The following GRID1 variants were observed in gnomAD, a reference collection of about 807,000 sequenced individuals.
GRID1 encodes the protein glutamate ionotropic receptor delta type subunit 1.
A neutral mutation model predicts 98.0 loss-of-function variants in GRID1; 28 were observed. The ratio of observed to expected loss-of-function variants is 0.29; its 90% CI spans 0.21 to 0.39. The LOEUF is 0.39. Among genes scored for constraint, GRID1 ranks in the 10% least tolerant of loss-of-function variants. GRID1 has a pLI of 1.00. For missense variants in GRID1, 1,111 were observed against 1,340.5 expected (o/e 0.83, Z 2.67); for synonymous variants, 553 against 538.5 (o/e 1.03, Z -0.37).
Position 86,336,326 on chromosome 10 carries a change from C to A in GRID1, c.235+27615G>T, listed in dbSNP as rs74149542. Reference sequence around the variant, plus strand: ...GTAATCCCCAGCCCCTGGCCAAGCACACGCTTAGGAATTGGACAGGATTTC... The same window carrying A: ...GTAATCCCCAGCCCCTGGCCAAGCAAACGCTTAGGAATTGGACAGGATTTC... On this transcript the variant is annotated intron_variant, in intron 2 of 15. Transcript: ENST00000327946. Among the ~76,000 whole-genome samples the A allele has an allele frequency of 2.8e-3, 425 of 152,318 alleles. 2 individuals are homozygous for A. Among genetic ancestry groups the A allele is most frequent in the African/African-American group, 9.7e-3 (404 of 41,560 alleles).
intron 4 of GRID1, among the ~76,000 whole-genome samples, chr10:86,093,502 A>G (rs942096521): frequency 2.0e-5 from 3 of 152,228 alleles, no homozygotes; most frequent in Non-Finnish European, 4.4e-5. Context: ...AACCTCACTA[A>G]GAAACAAAAC....
chr10:85,776,844 GA>G (rs1345452796), intron 8 of GRID1, among the ~76,000 whole-genome samples: 1 of 152,166 alleles, frequency 6.6e-6, no homozygotes. Flanking sequence ...TGTGTCCACT[GA>G]ATCTCAAGTC....
intron 4 of GRID1, among the ~76,000 whole-genome samples, chr10:86,037,706 G>A (rs1445311738): frequency 6.6e-6 from 1 of 151,672 alleles, no homozygotes; most frequent in African/African-American, 2.4e-5. Flanking sequence ...CAAAGAAATG[G>A]ATGCATACAC....
intron 12 of GRID1, among the ~76,000 whole-genome samples, chr10:85,671,891 C>T (rs904656043): frequency 6.6e-6 from 1 of 152,210 alleles, no homozygotes; most frequent in Non-Finnish European, 1.5e-5. Flanking sequence ...AGGACATTCC[C>T]TTAAGCTAAA....
intron 4 of GRID1, among the ~76,000 whole-genome samples, chr10:86,123,943 G>A (rs530769536): frequency 1.3e-5 from 2 of 152,334 alleles, no homozygotes; most frequent in South Asian, 4.1e-4. Context: ...AAGGGCCCAT[G>A]CAGGCGGCCT....
intron 8 of GRID1, among the ~76,000 whole-genome samples, chr10:85,775,036 T>C (rs1005072595): frequency 5.3e-5 from 8 of 152,164 alleles, no homozygotes; most frequent in African/African-American, 1.4e-4. Context: ...CGTATGTTTA[T>C]TGAGGCACTA....
chr10:85,924,858 T>C (rs565491157), intron 4 of GRID1, among the ~76,000 whole-genome samples: 9 of 152,298 alleles, frequency 5.9e-5, no homozygotes, highest in African/African-American at 2.2e-4. Flanking sequence ...CCTTCCCTGT[T>C]CATGTGGATG....
chr10:86,311,573 C>T (rs1034974824), intron 2 of GRID1, among the ~76,000 whole-genome samples: 2 of 148,362 alleles, frequency 1.3e-5, no homozygotes, highest in Non-Finnish European at 3.0e-5. Context: ...GGTGCAGGGG[C>T]TCCTGAGAAC....
At chr10:85,946,367 T>A (rs1261476415) in intron 4 of GRID1, among the ~76,000 whole-genome samples, 1 of 152,234 alleles carries the variant, frequency 6.6e-6, no homozygotes, top group Non-Finnish European at 1.5e-5. Flanking sequence ...CTGCTCAGTG[T>A]CCACTCCATT....
intron 2 of GRID1, among the ~76,000 whole-genome samples, chr10:86,297,791 G>C (rs1286667277): frequency 1.3e-5 from 2 of 152,188 alleles, no homozygotes; most frequent in Non-Finnish European, 2.9e-5. Context: ...GAATGGGCTG[G>C]ACAGAAAGTC....
intron 4 of GRID1, among the ~76,000 whole-genome samples, chr10:85,963,055 A>G (rs187169445): frequency 1.3e-5 from 2 of 152,272 alleles, no homozygotes; most frequent in East Asian, 1.9e-4. Context: ...TGGAAGAATG[A>G]CATGTGTTGC....
chr10:86,147,206 T>C (rs1289577282), intron 3 of GRID1, among the ~76,000 whole-genome samples: 1 of 152,152 alleles, frequency 6.6e-6, no homozygotes, highest in East Asian at 1.9e-4. Context: ...CAGACAACAG[T>C]CATGGCAGGC....
chr10:85,672,284 C>A (rs1841095476), intron 12 of GRID1, among the ~76,000 whole-genome samples: 2 of 152,120 alleles, frequency 1.3e-5, no homozygotes, highest in South Asian at 2.1e-4. Flanking sequence ...AGCCTAGGAC[C>A]CTTAAGAATT....
chr10:86,289,842 C>A (rs1847487809), intron 2 of GRID1, among the ~76,000 whole-genome samples: 1 of 152,172 alleles, frequency 6.6e-6, no homozygotes, highest in Non-Finnish European at 1.5e-5. Flanking sequence ...TTTGCCTGAG[C>A]TTTCCAAACA....
intron 8 of GRID1, among the ~76,000 whole-genome samples, chr10:85,743,105 G>GCCCCCCCCCCCCCC (rs4031782): frequency 1.3e-4 from 11 of 82,670 alleles, no homozygotes; most frequent in Admixed American, 1.8e-4. Flanking sequence ...GAATTATGCA[G>GCCCCCCCCCCCCCC]CCCCCCCCCC....
At chr10:85,660,790 A>G (rs1840957053) in intron 12 of GRID1, among the ~76,000 whole-genome samples, 1 of 152,120 alleles carries the variant, frequency 6.6e-6, no homozygotes, top group South Asian at 2.1e-4. Context: ...CCTTGCTTTT[A>G]GGAGAACTCA....
intron 4 of GRID1, among the ~76,000 whole-genome samples, chr10:86,111,019 A>G (rs1282628250): frequency 6.6e-6 from 1 of 152,188 alleles, no homozygotes; most frequent in Non-Finnish European, 1.5e-5. Context: ...AACAAGCATC[A>G]TCTATTCACA....
At chr10:85,618,739 T>A (rs1403577216) in intron 14 of GRID1, among the ~76,000 whole-genome samples, 1 of 151,880 alleles carries the variant, frequency 6.6e-6, no homozygotes, top group East Asian at 1.9e-4. Context: ...ACATCTAGAG[T>A]GTGAGAGAAG....
chr10:85,859,599 T>C (rs1284713582), intron 6 of GRID1, among the ~76,000 whole-genome samples: 1 of 152,250 alleles, frequency 6.6e-6, no homozygotes, highest in Admixed American at 6.5e-5. Flanking sequence ...AATTTGTTCT[T>C]GTCTAAAACC....
Sources: gnomAD v4.1 joint callset for allele counts (sites outside exome capture counted in the v4.1 genomes callset) on GRCh38, gnomAD v4.1.1 for gene constraint, MANE v1.5 for transcripts, NCBI Gene and HGNC (gene_info 2026-07-23, HGNC 2026-07-21) for gene names.